ZMYND8: variants seen among roughly 807,000 people sequenced by gnomAD.
ZMYND8 encodes MYND-type zinc finger-containing chromatin reader ZMYND8.
In ZMYND8, 37 loss-of-function variants were observed where a neutral mutation model predicts 140.8. That is an observed-to-expected ratio of 0.26 (90% CI 0.20 to 0.35). ZMYND8 has a LOEUF of 0.35. Ranked by LOEUF, ZMYND8 falls within the 10% of genes least tolerant of loss-of-function variation. The probability of loss-of-function intolerance (pLI) is 1.00; values close to 1 mark genes in which losing one functional copy is unlikely to be tolerated. For missense variants in ZMYND8, 1,068 were observed against 1,570.0 expected, an observed-to-expected ratio of 0.68 and a Z score of 5.40; for synonymous variants, 592 against 597.1, an observed-to-expected ratio of 0.99 and a Z score of 0.12.
At chr20:47,250,448 A>G (rs2074080098) in intron 12 of ZMYND8, among the ~76,000 whole-genome samples, 1 of 152,196 alleles carries the variant, frequency 6.6e-6, no homozygotes, top group Admixed American at 6.5e-5. Flanking sequence ...CCCAAAAAAT[A>G]AGTCAGAAAG....
At position 47,240,964 on chromosome 20, in the gene ZMYND8, G is replaced by C. The variant is rs549128272; in HGVS notation, c.2285-1826C>G. Among the ~76,000 whole-genome samples, 4 of 152,274 alleles carry C rather than the reference G, an allele frequency of 2.6e-5. No individual in the cohort carries two copies. In the South Asian group the frequency reaches 8.3e-4, roughly 32 times the overall value. Reference sequence around the variant, plus strand: ...CTGGGACTACACGGGACGTGCTACTGTGTCCCGCTTTAAATGAGCTTAATT... The same window carrying C: ...CTGGGACTACACGGGACGTGCTACTCTGTCCCGCTTTAAATGAGCTTAATT... On this transcript the variant is annotated intron_variant, in intron 14 of 22. Transcript: ENST00000471951.
intron 2 of ZMYND8, among the ~76,000 whole-genome samples, chr20:47,331,920 C>T (rs1224488627): frequency 2.6e-5 from 4 of 152,174 alleles, no homozygotes; most frequent in African/African-American, 4.8e-5. Flanking sequence ...AGAAGTTTGG[C>T]TTGCTGGACG....
At chr20:47,303,044 G>A (rs1335240796) in intron 3 of ZMYND8, among the ~76,000 whole-genome samples, 1 of 152,084 alleles carries the variant, frequency 6.6e-6, no homozygotes, top group South Asian at 2.1e-4. Flanking sequence ...AACCAAAAAC[G>A]TCTCCAGACT....
Position 47,249,375 on chromosome 20 carries a change from A to G in ZMYND8, c.1686T>C (p.Pro562=), listed in dbSNP as rs756156994. The G allele has an allele frequency of 2.5e-6, 4 of 1,614,180 alleles. No homozygotes were observed. The highest frequency in any genetic ancestry group is 2.2e-5 in the East Asian group (1 of 44,870). The change falls in exon 13 of 23, where the codon CCT becomes CCC. Residue 562 remains proline, a synonymous_variant. Transcript: ENST00000471951. ...LSESVQQQST[P]VPLISPKRQI... Reference sequence around the variant, plus strand: ...GGCGCTTGGGAGAGATGAGAGGAACAGGGGTGGACTGTTGCTGGACCGACT... The same window carrying G: ...GGCGCTTGGGAGAGATGAGAGGAACGGGGGTGGACTGTTGCTGGACCGACT...
chr20:47,210,495 A>G lies in ZMYND8; in HGVS notation c.*266T>C. ...AGTTAATACAAATATAAAAAGGGGA[A>G]AGTCCTCTAGATTCAATGACATCCA... is the stretch of plus-strand genomic sequence containing the variant. On this transcript the variant is annotated 3_prime_UTR_variant, in exon 23 of 23. Coordinates refer to ENST00000471951, the MANE Select transcript of ZMYND8 (RefSeq NM_001281775.3). 3.0e-6 allele frequency: 1 copy of G among 330,758 alleles called. No individual in the cohort carries two copies. The highest frequency in any genetic ancestry group is 5.5e-6 in the Non-Finnish European group (1 of 182,724). The allele number at this position is 330,758 out of a possible 1,614,324, so 20.5% of individuals were successfully genotyped here. A position where few individuals can be genotyped will look rare whatever the true frequency, so the allele number is the denominator to read the frequency against.
chr20:47,338,297 A>G (rs904772663), intron 2 of ZMYND8, among the ~76,000 whole-genome samples: 1 of 152,000 alleles, frequency 6.6e-6, no homozygotes, highest in Admixed American at 6.6e-5. Context: ...CCACCAATGC[A>G]GTGGGAGCAG....
At chr20:47,240,039 C>A (rs1247930866) in intron 14 of ZMYND8, among the ~76,000 whole-genome samples, 1 of 146,600 alleles carries the variant, frequency 6.8e-6, no homozygotes, top group African/African-American at 2.5e-5. Flanking sequence ...GATTTTGAGA[C>A]CAGCCTGACC....
At chr20:47,341,919 C>T (rs367654956) in intron 2 of ZMYND8, among the ~76,000 whole-genome samples, 3 of 151,842 alleles carry the variant, frequency 2.0e-5, no homozygotes, top group Admixed American at 6.6e-5. Context: ...AGGAGAATGG[C>T]GTGAACCCGG....
chr20:47,249,553 G>T, intron 12 of ZMYND8, 114 bp from the exon 13 acceptor site: 1 of 1,428,038 alleles, frequency 7.0e-7, no homozygotes, highest in Non-Finnish European at 9.4e-7. Flanking sequence ...GGGAGGGGGA[G>T]ATACTTTTTT....
chr20:47,342,675 G>A (rs1469183491), intron 2 of ZMYND8, among the ~76,000 whole-genome samples: 2 of 151,638 alleles, frequency 1.3e-5, no homozygotes, highest in South Asian at 2.1e-4. Context: ...GTGAAACCCC[G>A]CCTCTACTAC....
intron 5 of ZMYND8, 119 bp from the exon 6 acceptor site, chr20:47,292,007 T>C (rs1484396199): frequency 1.2e-6 from 1 of 815,132 alleles, no homozygotes; most frequent in East Asian, 3.1e-5. Flanking sequence ...AGTTCTAAAG[T>C]TTTCCATAAA....
intron 12 of ZMYND8, among the ~76,000 whole-genome samples, chr20:47,250,033 T>G (rs2074041225): frequency 6.6e-6 from 1 of 152,150 alleles, no homozygotes; most frequent in South Asian, 2.1e-4. Context: ...GTGTTGTGGC[T>G]CACAGCATCT....
chr20:47,253,059 G>C (rs949611086), intron 12 of ZMYND8, among the ~76,000 whole-genome samples: 8 of 152,218 alleles, frequency 5.3e-5, no homozygotes, highest in African/African-American at 1.9e-4. Context: ...AAACACAGGT[G>C]GGGGCCAGAT....
chr20:47,254,010 C>G lies in ZMYND8; in HGVS notation c.1622-4571G>C, dbSNP rs551571795. ...CAGGAGTTTAGCCGAATGTAATGAT[C>G]TTTATCCAAACCTGCAGCTGCATTT... On this transcript the variant is annotated intron_variant, in intron 12 of 22. Transcript: ENST00000471951. Among the ~76,000 whole-genome samples, 11 of 152,356 alleles carry G rather than the reference C, an allele frequency of 7.2e-5. No homozygotes were observed. The East Asian group carries it at 2.1e-3, about 29-fold the overall frequency.
At chr20:47,352,928 G>A (rs1404405913) in intron 1 of ZMYND8, 1 of 152,208 alleles carries the variant, frequency 6.6e-6, no homozygotes, top group Non-Finnish European at 1.5e-5. Flanking sequence ...GTAACCAAAG[G>A]GTTCTGAAAC....
At chr20:47,349,939 T>G in intron 1 of ZMYND8, 1 of 1,535,372 alleles carries the variant, frequency 6.5e-7, no homozygotes, top group Non-Finnish European at 8.7e-7. Flanking sequence ...GGAACCATTA[T>G]TTGGCTTGTA....
At position 47,255,711 on chromosome 20, in the gene ZMYND8, C is replaced by CGT. The variant is rs1158896276; in HGVS notation, c.1622-6274_1622-6273dup. Among the ~76,000 whole-genome samples, 78 of 37,936 alleles carry CGT rather than the reference C, an allele frequency of 2.1e-3. 2 individuals are homozygous for CGT. The highest frequency in any genetic ancestry group is 0.018 in the Middle Eastern group (1 of 56). The allele number at this position is 37,936 out of a possible 152,430, so 24.9% of individuals were successfully genotyped here. ...TGTGTATATATATATATATATATACCGTGTATGTGTGTATATATATATATA... is the reference window on the plus strand; with the variant it reads ...TGTGTATATATATATATATATATACCGTGTGTATGTGTGTATATATATATATA... On this transcript the variant is annotated intron_variant, in intron 12 of 22. Coordinates refer to ENST00000471951, the MANE Select transcript of ZMYND8 (RefSeq NM_001281775.3).
rs1327144532 is a variant in ZMYND8 at position 47,210,020 on chromosome 20, T to C, written c.*741A>G. The C allele has an allele frequency of 1.3e-5, 2 of 152,666 alleles. No individual in the cohort carries two copies. Among genetic ancestry groups the C allele is most frequent in the African/African-American group, 4.8e-5 (2 of 41,462 alleles). 9.5% of individuals were successfully genotyped at this position (152,666 alleles called of 1,614,324 possible). On this transcript the variant is annotated 3_prime_UTR_variant, in exon 23 of 23. Coordinates refer to ENST00000471951, the MANE Select transcript of ZMYND8 (RefSeq NM_001281775.3). ...TCTGTGTTCTCTCCTGTGACTGAGCTGAGTGGGGCTTGTTTGTTTCTCTTC... is the reference window on the plus strand; with the variant it reads ...TCTGTGTTCTCTCCTGTGACTGAGCCGAGTGGGGCTTGTTTGTTTCTCTTC...
chr20:47,355,418 T>C (rs1322836502), intron 1 of ZMYND8: 4 of 984,236 alleles, frequency 4.1e-6, no homozygotes, highest in Non-Finnish European at 2.4e-6. Flanking sequence ...TCTTCAAACA[T>C]GGTCACAGAG....
Sources: gnomAD v4.1 joint callset for allele counts (sites outside exome capture counted in the v4.1 genomes callset) on GRCh38, gnomAD v4.1.1 for gene constraint, MANE v1.5 for transcripts, NCBI Gene and HGNC (gene_info 2026-07-23, HGNC 2026-07-21) for gene names.